Variants in SLC4A10 observed in about 807,000 individuals in gnomAD.
SLC4A10 encodes the protein solute carrier family 4 member 10, also known as sodium-driven chloride bicarbonate exchanger.
In SLC4A10, 42 loss-of-function variants were observed where a neutral mutation model predicts 137.7. That is an observed-to-expected ratio of 0.30 (90% CI 0.24 to 0.39). SLC4A10 has a LOEUF of 0.39. SLC4A10 is among the 10% of genes least tolerant of loss of function. The probability of loss-of-function intolerance (pLI) is 1.00; values close to 1 mark genes in which losing one functional copy is unlikely to be tolerated. For missense variants in SLC4A10, 925 were observed against 1,355.0 expected (o/e 0.68, Z 4.98); for synonymous variants, 474 against 464.1 (o/e 1.02, Z -0.27).
At chr2:161,691,412 C>T (rs2041990572) in intron 1 of SLC4A10, among the ~76,000 whole-genome samples, 1 of 151,332 alleles carries the variant, frequency 6.6e-6, no homozygotes, top group African/African-American at 2.4e-5. Flanking sequence ...GATAGCACAA[C>T]AGAGTGACTA....
intron 2 of SLC4A10, among the ~76,000 whole-genome samples, chr2:161,796,291 T>C (rs1371242840): frequency 6.6e-6 from 1 of 152,186 alleles, no homozygotes; most frequent in African/African-American, 2.4e-5. Context: ...TGAATTTGGG[T>C]TGGACTCAGC....
At chr2:161,946,045 A>G (rs1315088512) in intron 16 of SLC4A10, among the ~76,000 whole-genome samples, 1 of 152,008 alleles carries the variant, frequency 6.6e-6, no homozygotes, top group African/African-American at 2.4e-5. Context: ...AGGATGAAAA[A>G]CACAAGGATT....
intron 7 of SLC4A10, 44 bp downstream of exon 7, chr2:161,872,428 A>C (rs41265135): frequency 0.022 from 30,262 of 1,395,220 alleles, 490 homozygotes; most frequent in Non-Finnish European, 0.023. Context: ...CTAAATTACT[A>C]CTAGAAATTA....
intron 1 of SLC4A10, among the ~76,000 whole-genome samples, chr2:161,659,477 T>C (rs1558966136): frequency 1.3e-5 from 2 of 152,138 alleles, no homozygotes; most frequent in Non-Finnish European, 1.5e-5. Flanking sequence ...AAAGCCATTA[T>C]GCAATGAAAG....
At chr2:161,936,411 G>T (rs1006621472) in intron 15 of SLC4A10, among the ~76,000 whole-genome samples, 7 of 152,008 alleles carry the variant, frequency 4.6e-5, no homozygotes, top group Non-Finnish European at 1.0e-4. Context: ...CCATCAGGTC[G>T]TGGGCTTTTC....
At chr2:161,964,362 G>A in intron 22 of SLC4A10, 54 bp downstream of exon 22, 1 of 1,560,252 alleles carries the variant, frequency 6.4e-7, no homozygotes, top group Non-Finnish European at 8.8e-7. Flanking sequence ...TGGTCTCTTT[G>A]GAAACATAAA....
intron 4 of SLC4A10, among the ~76,000 whole-genome samples, chr2:161,851,807 CAA>C (rs1432414721): frequency 6.6e-6 from 1 of 152,080 alleles, no homozygotes; most frequent in Non-Finnish European, 1.5e-5. Flanking sequence ...AGTTAAGAAA[CAA>C]TATGATTTTT....
At position 161,676,159 on chromosome 2, in the gene SLC4A10, T is replaced by C. The variant is rs191128266; in HGVS notation, c.48+51593T>C. ...TGGGCAGAGAGCTGTCATCAGATGA[T>C]CAAAGCAGCCCATAATCCACCAAAA... is the stretch of plus-strand genomic sequence containing the variant. On this transcript the variant is annotated intron_variant, in intron 1 of 26. Coordinates refer to ENST00000446997, the MANE Select transcript of SLC4A10 (RefSeq NM_001178015.2). 3.3e-3 allele frequency among the ~76,000 whole-genome samples: 502 copies of C among 152,258 alleles called. 2 individuals carry two copies. The highest frequency in any genetic ancestry group is 0.012 in the African/African-American group (483 of 41,540).
Position 161,872,438 on chromosome 2 carries a change from A to C in SLC4A10, c.858+54A>C. On this transcript the variant is annotated intron_variant, in intron 7 of 26. Coordinates refer to ENST00000446997, the MANE Select transcript of SLC4A10 (RefSeq NM_001178015.2). ...AGTTGCTAAATTACTACTAGAAATT[A>C]CTACCCATTTTAAGAGGTGTTGACA... The C allele has an allele frequency of 2.2e-6, 3 of 1,384,592 alleles. No homozygotes were observed. The Admixed American group carries it at 5.1e-5, about 24-fold the overall frequency. 85.8% of individuals were successfully genotyped at this position (1,384,592 alleles called of 1,614,324 possible). A position where few individuals can be genotyped will look rare whatever the true frequency, so the allele number is the denominator to read the frequency against.
intron 2 of SLC4A10, among the ~76,000 whole-genome samples, chr2:161,790,841 T>G (rs1423852110): frequency 6.6e-6 from 1 of 152,118 alleles, no homozygotes; most frequent in Non-Finnish European, 1.5e-5. Flanking sequence ...AAAGAAGACA[T>G]ACATGCGGCT....
chr2:161,928,663 A>T (rs1689719547), intron 15 of SLC4A10, among the ~76,000 whole-genome samples: 1 of 150,674 alleles, frequency 6.6e-6, no homozygotes, highest in Non-Finnish European at 1.5e-5. Flanking sequence ...AAAAAAAAAA[A>T]AAAAAGTAGG....
In SLC4A10 at chr2:161,727,824, A is replaced by G. The variant is rs539446172; in HGVS notation, c.49-43149A>G. Among the ~76,000 whole-genome samples, 54 of 152,278 alleles carry G rather than the reference A, an allele frequency of 3.5e-4. 1 individual carries two copies. Among genetic ancestry groups the G allele is most frequent in the African/African-American group, 1.3e-3 (53 of 41,584 alleles). On this transcript the variant is annotated intron_variant, in intron 1 of 26. Transcript: ENST00000446997. ...AAAGAGAAAACAGAAAATAGAAATA[A>G]TCCCAACAAATTTTAAAATATTATG...
chr2:161,840,005 A>G (rs2059081607), intron 4 of SLC4A10, 78 bp downstream of exon 4: 2 of 1,570,204 alleles, frequency 1.3e-6, no homozygotes, highest in Non-Finnish European at 1.7e-6. Flanking sequence ...TAATGCAACA[A>G]TTTTGCAAAC....
intron 2 of SLC4A10, among the ~76,000 whole-genome samples, chr2:161,800,751 T>C (rs1398929406): frequency 6.6e-6 from 1 of 152,040 alleles, no homozygotes; most frequent in Non-Finnish European, 1.5e-5. Flanking sequence ...AGGCAAAGTA[T>C]GTAGTGAGTA....
intron 8 of SLC4A10, among the ~76,000 whole-genome samples, chr2:161,876,937 A>T (rs970665464): frequency 3.9e-5 from 6 of 152,104 alleles, no homozygotes; most frequent in African/African-American, 1.4e-4. Flanking sequence ...ACTATAACTT[A>T]TTCCATTTGA....
chr2:161,953,465 G>T (rs949292009), intron 19 of SLC4A10, among the ~76,000 whole-genome samples: 5 of 152,050 alleles, frequency 3.3e-5, no homozygotes, highest in African/African-American at 1.2e-4. Context: ...AAGATTAGCT[G>T]GGCGTAGTGG....
intron 2 of SLC4A10, among the ~76,000 whole-genome samples, chr2:161,782,102 C>T (rs377146503): frequency 9.9e-5 from 15 of 152,112 alleles, no homozygotes; most frequent in South Asian, 8.3e-4. Flanking sequence ...GCTTTTCCTC[C>T]CTAGCTCAGA....
intron 1 of SLC4A10, among the ~76,000 whole-genome samples, chr2:161,755,186 A>G (rs2049475206): frequency 6.6e-6 from 1 of 152,136 alleles, no homozygotes; most frequent in Non-Finnish European, 1.5e-5. Flanking sequence ...TTCCCCCTAA[A>G]TTTCTTCCAG....
chr2:161,787,974 G>A (rs1307687401), intron 2 of SLC4A10, among the ~76,000 whole-genome samples: 1 of 152,160 alleles, frequency 6.6e-6, no homozygotes, highest in African/African-American at 2.4e-5. Flanking sequence ...AAAACACTCT[G>A]TCTTTTTGTA....
Sources: allele counts gnomAD v4.1 joint callset (sites outside exome capture counted in the v4.1 genomes callset), GRCh38; gene constraint gnomAD v4.1.1; transcripts MANE v1.5; gene names NCBI Gene and HGNC (gene_info 2026-07-23, HGNC 2026-07-21).